Variants in MYO7A observed in about 807,000 individuals in gnomAD.
The protein encoded by MYO7A is myosin VIIA.
In MYO7A, 210 loss-of-function variants were observed where a neutral mutation model predicts 263.8. That is an observed-to-expected ratio of 0.80 (90% confidence interval 0.71 to 0.89). MYO7A has a LOEUF of 0.89. Ranked by LOEUF, MYO7A falls within the 40% of genes least tolerant of loss-of-function variation. The pLI, the probability that MYO7A is intolerant of heterozygous loss-of-function variation, is 0.00. For synonymous variants in MYO7A, 1,239 were observed against 1,197.3 expected, an observed-to-expected ratio of 1.03 and a Z score of -0.72; for missense variants, 2,820 against 2,968.3, an observed-to-expected ratio of 0.95 and a Z score of 1.16.
intron 31 of MYO7A, among the ~76,000 whole-genome samples, chr11:77,192,657 A>G (rs894496283): frequency 3.3e-5 from 5 of 152,150 alleles, no homozygotes; most frequent in Admixed American, 6.5e-5. Context: ...GCAAATGTGT[A>G]TTCTTTTTTC....
At chr11:77,181,787 T>TG (rs1955227476) in intron 23 of MYO7A, among the ~76,000 whole-genome samples, 164 bp from the exon 24 acceptor site, 1 of 131,238 alleles carries the variant, frequency 7.6e-6, no homozygotes, top group Non-Finnish European at 1.7e-5. Context: ...TTGTTTTTTT[T>TG]TTTTTTTTTT....
chr11:77,177,923 C>T (rs1293856530), intron 19 of MYO7A, among the ~76,000 whole-genome samples: 1 of 152,038 alleles, frequency 6.6e-6, no homozygotes, highest in Non-Finnish European at 1.5e-5. Context: ...CACATGTGGA[C>T]CCACTGTTCA....
intron 44 of MYO7A, chr11:77,209,335 T>C (rs1957704170): frequency 6.5e-6 from 1 of 154,458 alleles, no homozygotes; most frequent in Non-Finnish European, 1.4e-5. Flanking sequence ...TGGGGTTTGA[T>C]TCCAGGTCTT....
chr11:77,156,829 G>T, intron 6 of MYO7A, 33 bp from the exon 7 acceptor site: 2 of 1,613,940 alleles, frequency 1.2e-6, no homozygotes, highest in Non-Finnish European at 1.7e-6. Flanking sequence ...GGCGGGAGCG[G>T]GCTTTGCCAG....
intron 31 of MYO7A, among the ~76,000 whole-genome samples, chr11:77,193,668 T>A (rs78601138): frequency 0.016 from 2,361 of 152,230 alleles, 31 homozygotes; most frequent in Non-Finnish European, 0.026. Context: ...CTGAAATATT[T>A]CAAACTGGTT....
chr11:77,151,938 T>G (rs1426827894), intron 4 of MYO7A, among the ~76,000 whole-genome samples: 1 of 152,160 alleles, frequency 6.6e-6, no homozygotes, highest in Non-Finnish European at 1.5e-5. Flanking sequence ...GGTGTCTCGT[T>G]CACCCTACCC....
At chr11:77,156,136 G>C (rs1470749330) in intron 5 of MYO7A, 45 bp downstream of exon 5, 1 of 1,598,936 alleles carries the variant, frequency 6.3e-7, no homozygotes, top group Admixed American at 1.7e-5. Flanking sequence ...TTAGGACCTA[G>C]AGCTCCAACT....
intron 14 of MYO7A, 149 bp from the exon 15 acceptor site, chr11:77,165,907 C>T: frequency 1.7e-6 from 1 of 595,418 alleles, no homozygotes. Flanking sequence ...TTGGGCAAGT[C>T]TCTGTCCCCT....
intron 26 of MYO7A, among the ~76,000 whole-genome samples, chr11:77,183,602 C>G (rs1226246370): frequency 1.3e-5 from 2 of 152,214 alleles, no homozygotes; most frequent in Admixed American, 6.5e-5. Context: ...TGTCCCAGCC[C>G]TTGTGCTCTG....
chr11:77,175,521 T>C (rs1195226122), intron 18 of MYO7A, 57 bp downstream of exon 18: 2 of 1,496,944 alleles, frequency 1.3e-6, no homozygotes, highest in African/African-American at 2.8e-5. Flanking sequence ...TCCCATGATG[T>C]GGGCTGGGGT....
At position 77,213,858 on chromosome 11, in the gene MYO7A, A is replaced by G. The variant is rs397516330; in HGVS notation, c.6439-2A>G. 9.3e-6 allele frequency: 15 copies of G among 1,613,868 alleles called. No individual in the cohort carries two copies. The highest frequency in any genetic ancestry group is 1.2e-5 in the Non-Finnish European group (14 of 1,179,884). On this transcript the variant is annotated splice_acceptor_variant, in intron 47 of 48. Transcript: ENST00000409709. LOFTEE classifies it high-confidence loss of function. ...CTCTCTATGCCCTTTCTGCTCCCCCAGGATATCCTCACCACTCATCCCTTC... is the reference window on the plus strand; with the variant it reads ...CTCTCTATGCCCTTTCTGCTCCCCCGGGATATCCTCACCACTCATCCCTTC...
In MYO7A at chr11:77,158,418, C is replaced by T. The variant is rs782237609; in HGVS notation, c.991C>T (p.Leu331=). ...GGCTGCCATCCTGCACCTGGGCAAC[C>T]TGCAGTATGAGGGTGAGGCTGCGCC... ...LLAAILHLGN[L]QYEARTFENL... Residue 331 remains leucine, a synonymous_variant, in exon 9 of 49, where the codon CTG becomes TTG. Coordinates refer to ENST00000409709, the MANE Select transcript of MYO7A (RefSeq NM_000260.4). The T allele has an allele frequency of 6.2e-7, 1 of 1,612,172 alleles. No homozygotes were observed. The highest frequency in any genetic ancestry group is 1.3e-5 in the African/African-American group (1 of 75,048).
intron 20 of MYO7A, 132 bp downstream of exon 20, chr11:77,179,261 G>A (rs1224128214): frequency 8.3e-6 from 6 of 723,250 alleles, no homozygotes; most frequent in Non-Finnish European, 1.4e-5. Flanking sequence ...GCCCTGGCCA[G>A]CCACTACCAT....
chr11:77,192,616 G>C (rs1565440954), intron 31 of MYO7A, among the ~76,000 whole-genome samples: 1 of 152,148 alleles, frequency 6.6e-6, no homozygotes, highest in Non-Finnish European at 1.5e-5. Context: ...CATTAAATGA[G>C]AAATACAGCC....
In MYO7A at chr11:77,193,083, TTTG is replaced by T. The variant is rs1186784004; in HGVS notation, c.4152+807_4152+809del. ...GTGTTGGTGATGGTGGAGGTAGTTG[TTTG>T]TGATGGTGGAGGTAGTGATGCTGTT... On this transcript the variant is annotated intron_variant, in intron 31 of 48. Coordinates refer to ENST00000409709, the MANE Select transcript of MYO7A (RefSeq NM_000260.4). Among the ~76,000 whole-genome samples the T allele has an allele frequency of 1.2e-3, 77 of 61,804 alleles. 8 individuals carry two copies. Among genetic ancestry groups the T allele is most frequent in the African/African-American group, 3.6e-3 (74 of 20,368 alleles). 40.5% of individuals were successfully genotyped at this position (61,804 alleles called of 152,430 possible).
At position 77,164,424 on chromosome 11, in the gene MYO7A, A is replaced by T. The variant is rs557785305; in HGVS notation, c.1690+1436A>T. Among the ~76,000 whole-genome samples, 7 of 152,216 alleles carry T rather than the reference A, an allele frequency of 4.6e-5. No homozygotes were observed. The East Asian group carries it at 7.7e-4, about 17-fold the overall frequency. On this transcript the variant is annotated intron_variant, in intron 14 of 48. Coordinates refer to ENST00000409709, the MANE Select transcript of MYO7A (RefSeq NM_000260.4). ...AAAAATTAAAAATTAATTTTTTTTT[A>T]AAAAAGGCCAAAGATATCCAAACAT...
chr11:77,176,951 G>A (rs1170887967), intron 18 of MYO7A, among the ~76,000 whole-genome samples: 4 of 152,162 alleles, frequency 2.6e-5, no homozygotes, highest in African/African-American at 9.7e-5. Flanking sequence ...TGGATGAGGA[G>A]GAGAGAGGGC....
chr11:77,199,732 A>G lies in MYO7A; in HGVS notation c.4766A>G (p.Asp1589Gly). The change falls in exon 35 of 49, where the codon GAC becomes GGC. Residue 1589 changes from aspartate to glycine, a missense_variant. By Grantham distance (94) the Asp-to-Gly change is moderately conservative. Transcript: ENST00000409709. ...EYTFTSSNAE[D>G]IRDLVVTFLE... The stretch of plus-strand genomic sequence containing the variant: ...ACCTTCACCTCCAGCAATGCTGAGG[A>G]CATTCGTGACCTGGTGGTCACCTTC... 8 of 1,613,494 alleles carry G rather than the reference A, an allele frequency of 5.0e-6. No homozygotes were observed. Among genetic ancestry groups the G allele is most frequent in the Non-Finnish European group, 6.8e-6 (8 of 1,179,662 alleles).
rs1954477050 is a variant in MYO7A at position 77,174,794 on chromosome 11, C to A, written c.1974C>A (p.Tyr658Ter). The A allele has an allele frequency of 6.2e-7, 1 of 1,610,394 alleles. No individual in the cohort carries two copies. Among genetic ancestry groups the A allele is most frequent in the South Asian group, 1.1e-5 (1 of 90,310 alleles). ...DRHLCVRQLR[Y>*]SGMMETIRIR... ...ACCTGTGCGTGCGCCAGCTGCGGTA[C>A]TCAGGAATGATGGAGACCATCCGAA... The change falls in exon 17 of 49, where the codon TAC becomes TAA. Residue 658 changes from tyrosine (Y) to a stop codon, truncating the protein, a stop_gained. Transcript: ENST00000409709. LOFTEE classifies it high-confidence loss of function.
Sources: gnomAD v4.1 joint callset for allele counts (sites outside exome capture counted in the v4.1 genomes callset) on GRCh38, gnomAD v4.1.1 for gene constraint, MANE v1.5 for transcripts, NCBI Gene and HGNC (gene_info 2026-07-23, HGNC 2026-07-21) for gene names.